DST: variants seen among roughly 807,000 people sequenced by gnomAD.
The protein encoded by DST is bullous pemphigoid antigen.
DST carries 253 observed loss-of-function variants against 875.2 expected under a neutral mutation model. The ratio of observed to expected loss-of-function variants is 0.29; its 90% CI spans 0.26 to 0.32. The LOEUF (loss-of-function observed/expected upper bound fraction) is 0.32, where lower values mean the gene tolerates loss of function less well. DST is among the 10% of genes least tolerant of loss of function. DST has a pLI of 1.00. For missense variants in DST, 8,287 were observed against 9,111.6 expected, an observed-to-expected ratio of 0.91 and a Z score of 3.68; for synonymous variants, 3,124 against 3,197.1, an observed-to-expected ratio of 0.98 and a Z score of 0.77.
At chr6:56,550,591 A>AG (rs2097305312) in intron 61 of DST, among the ~76,000 whole-genome samples, 1 of 152,212 alleles carries the variant, frequency 6.6e-6, no homozygotes, top group Admixed American at 6.5e-5. Context: ...ACCAAAGGGG[A>AG]GACACCCGCA....
chr6:56,687,066 A>G (rs770900498), intron 9 of DST, among the ~76,000 whole-genome samples: 17 of 152,152 alleles, frequency 1.1e-4, no homozygotes, highest in Non-Finnish European at 2.4e-4. Context: ...CTATCCATGG[A>G]CCACCTCCTT....
chr6:56,870,424 G>C (rs1304760645), intron 3 of DST, among the ~76,000 whole-genome samples: 3 of 115,482 alleles, frequency 2.6e-5, no homozygotes, highest in Admixed American at 2.1e-4. Context: ...ATTAAATCTT[G>C]CAACTGCAAA....
chr6:56,862,882 G>A (rs1229993891), intron 3 of DST, among the ~76,000 whole-genome samples: 1 of 152,168 alleles, frequency 6.6e-6, no homozygotes, highest in East Asian at 1.9e-4. Flanking sequence ...AAGCAAAACT[G>A]TAATAGTGGG....
chr6:56,592,531 A>G (rs2098297172), intron 48 of DST, among the ~76,000 whole-genome samples, 173 bp from the exon 49 acceptor site: 1 of 152,214 alleles, frequency 6.6e-6, no homozygotes, highest in South Asian at 2.1e-4. Flanking sequence ...GAGGTACCCT[A>G]TAAGAAGCCA....
intron 4 of DST, among the ~76,000 whole-genome samples, chr6:56,738,041 G>A (rs2099532271): frequency 6.6e-6 from 1 of 152,098 alleles, no homozygotes; most frequent in Non-Finnish European, 1.5e-5. Flanking sequence ...CTACTTTAAT[G>A]CCAATAAGAA....
Position 56,598,725 on chromosome 6 carries a change from G to T in DST, c.11695-16C>A, listed in dbSNP as rs1017755789. On this transcript the variant is annotated splice_polypyrimidine_tract_variant and intron_variant, in intron 45 of 103. Transcript: ENST00000680361. ...TCTGTAATTCCTTATAACACAAAAG[G>T]AAAAAATATATTTTATTAAATTATT... 4 of 1,443,360 alleles carry T rather than the reference G, an allele frequency of 2.8e-6. No individual in the cohort carries two copies. The highest frequency in any genetic ancestry group is 3.8e-6 in the Non-Finnish European group (4 of 1,065,760). The allele number at this position is 1,443,360 out of a possible 1,614,324, so 89.4% of individuals were successfully genotyped here.
chr6:56,594,162 T>C lies in DST; in HGVS notation c.12227A>G (p.Gln4076Arg). The change falls in exon 48 of 104, where the codon CAA becomes CGA. Residue 4076 changes from glutamine to arginine, a missense_variant. This residue lies in a region of DST where 1,513 missense variants were observed against 1,677.8 expected (regional missense o/e 0.90). Coordinates refer to ENST00000680361, the MANE Select transcript of DST (RefSeq NM_001374736.1). Reference protein sequence around the residue: ...AQHEKIISQHQAVIIATQSAQ... With the variant: ...AQHEKIISQHRAVIIATQSAQ... ...AGACTGAGTGGCTATGATCACTGCT[T>C]GGTGCTGAGAGATGATCTTCTCGTG... is the stretch of plus-strand genomic sequence containing the variant. 1 of 1,551,922 alleles carries C rather than the reference T, an allele frequency of 6.4e-7. No homozygotes were observed. Among genetic ancestry groups the C allele is most frequent in the East Asian group, 2.3e-5 (1 of 44,410 alleles).
At chr6:56,614,218 T>A in intron 37 of DST, 138 bp downstream of exon 37, 1 of 708,910 alleles carries the variant, frequency 1.4e-6, no homozygotes, top group Non-Finnish European at 2.0e-6. Flanking sequence ...TTATTTAATC[T>A]TTCTGATTTG....
chr6:56,610,004 A>C lies in DST; in HGVS notation c.5283+423T>G, dbSNP rs541610777. On this transcript the variant is annotated intron_variant, in intron 39 of 103. Coordinates refer to ENST00000680361, the MANE Select transcript of DST (RefSeq NM_001374736.1). ...AAGAAGATGCTAGGGCATCCTCACT[A>C]TAATGTATGGCCTTGTATTACTCAA... Among the ~76,000 whole-genome samples, 9 of 152,328 alleles carry C rather than the reference A, an allele frequency of 5.9e-5. No individual in the cohort carries two copies. The South Asian group carries it at 1.9e-3, about 32-fold the overall frequency.
chr6:56,494,955 T>C (rs1011211852), intron 82 of DST, among the ~76,000 whole-genome samples: 1 of 152,002 alleles, frequency 6.6e-6, no homozygotes, highest in Admixed American at 6.6e-5. Flanking sequence ...TTTTCAACTT[T>C]ATACGTTTTA....
At chr6:56,866,454 A>G (rs1212221563) in intron 3 of DST, among the ~76,000 whole-genome samples, 1 of 152,270 alleles carries the variant, frequency 6.6e-6, no homozygotes, top group Non-Finnish European at 1.5e-5. Context: ...GTCAGAGTAC[A>G]TCATGCCTGT....
At chr6:56,841,456 T>C (rs566393674) in intron 4 of DST, among the ~76,000 whole-genome samples, 4 of 152,350 alleles carry the variant, frequency 2.6e-5, no homozygotes, top group African/African-American at 9.6e-5. Context: ...CTGATTGTTG[T>C]ACACTGGCCT....
At chr6:56,497,290 T>G (rs960937598) in intron 82 of DST, 89 bp downstream of exon 82, 1 of 1,463,492 alleles carries the variant, frequency 6.8e-7, no homozygotes, top group Non-Finnish European at 9.3e-7. Flanking sequence ...CTTTAAAGCC[T>G]TCTCCCACGA....
chr6:56,648,429 G>T lies in DST; in HGVS notation c.1554+141C>A, dbSNP rs74526825. On this transcript the variant is annotated intron_variant, in intron 13 of 103. Transcript: ENST00000680361. Reference sequence around the variant, plus strand: ...ATTTTCTCTGTATAATAAGAGAAATGAGTAATACAAATTTTGCCTACTTAT... The same window carrying T: ...ATTTTCTCTGTATAATAAGAGAAATTAGTAATACAAATTTTGCCTACTTAT... 0.015 allele frequency: 9,222 copies of T among 626,656 alleles called. 80 individuals carry two copies. The highest frequency in any genetic ancestry group is 0.019 in the Non-Finnish European group (7,293 of 375,014). The allele number at this position is 626,656 out of a possible 1,614,324, so 38.8% of individuals were successfully genotyped here.
Position 56,491,788 on chromosome 6 carries a change from G to A in DST, c.20757+439C>T, listed in dbSNP as rs568287538. Among the ~76,000 whole-genome samples, 11 of 152,312 alleles carry A rather than the reference G, an allele frequency of 7.2e-5. No individual in the cohort carries two copies. In the South Asian group the frequency reaches 2.1e-3, roughly 29 times the overall value. On this transcript the variant is annotated intron_variant, in intron 85 of 103. Transcript: ENST00000680361. ...CAGAAAGCTGTCGGGAGGGCTACAT[G>A]TCTGGCTCTCAGCACTGATAGCTTG...
At chr6:56,803,058 T>C (rs745776498) in intron 4 of DST, among the ~76,000 whole-genome samples, 51 of 152,216 alleles carry the variant, frequency 3.4e-4, no homozygotes, top group South Asian at 6.2e-4. Context: ...TTTAATGTGT[T>C]AAGCATTGAG....
chr6:56,605,936 A>AATAC lies in DST; in HGVS notation c.8691_8692insGTAT (p.Tyr2898ValfsTer5). ...CTTTTTCCAGCAATCTCAGTTGTAT[A>AATAC]TTCTGGAAGGTTGCTTTTTTCAGTA... On this transcript the variant is annotated frameshift_variant, in exon 40 of 104. Transcript: ENST00000680361. LOFTEE classifies it high-confidence loss of function. 1.9e-6 allele frequency: 3 copies of AATAC among 1,612,860 alleles called. No homozygotes were observed. The highest frequency in any genetic ancestry group is 2.5e-6 in the Non-Finnish European group (3 of 1,179,460).
chr6:56,645,433 C>T (rs2098936727), intron 15 of DST, among the ~76,000 whole-genome samples: 1 of 152,124 alleles, frequency 6.6e-6, no homozygotes, highest in South Asian at 2.1e-4. Context: ...GTTCTAGACG[C>T]CATCCAACAC....
At chr6:56,637,937 TACTTTCAGTA>T (rs1563369193) in intron 22 of DST, among the ~76,000 whole-genome samples, 1 of 152,142 alleles carries the variant, frequency 6.6e-6, no homozygotes, top group African/African-American at 2.4e-5. Flanking sequence ...CAAATTAAGC[TACTTTCAGTA>T]AATTGGCTAT....
Sources: allele counts gnomAD v4.1 joint callset (sites outside exome capture counted in the v4.1 genomes callset), GRCh38; gene constraint gnomAD v4.1.1; regional missense constraint gnomAD v4.1.1; transcripts MANE v1.5; gene names NCBI Gene and HGNC (gene_info 2026-07-23, HGNC 2026-07-21).